RYR3: variants seen among roughly 807,000 people sequenced by gnomAD.
The protein encoded by RYR3 is ryanodine receptor 3.
A neutral mutation model predicts 584.3 loss-of-function variants in RYR3; 207 were observed. The observed-to-expected ratio is 0.35, with a 90% CI of 0.32 to 0.40. The LOEUF is 0.40. Among genes scored for constraint, RYR3 ranks in the 10% least tolerant of loss-of-function variants. The pLI is 1.00. For missense variants in RYR3, 5,616 were observed against 6,089.2 expected, an observed-to-expected ratio of 0.92 and a Z score of 2.59; for synonymous variants, 2,416 against 2,248.5, an observed-to-expected ratio of 1.07 and a Z score of -2.11.
chr15:33,612,626 C>T (rs1280345982), intron 18 of RYR3, among the ~76,000 whole-genome samples: 4 of 152,222 alleles, frequency 2.6e-5, no homozygotes, highest in Non-Finnish European at 1.5e-5. Flanking sequence ...TCCGGAAGTG[C>T]TGGGATTACA....
At chr15:33,638,386 A>G (rs1390918424) in intron 27 of RYR3, among the ~76,000 whole-genome samples, 1 of 152,220 alleles carries the variant, frequency 6.6e-6, no homozygotes, top group East Asian at 1.9e-4. Context: ...AAAGAAAGTC[A>G]TTCTCTGGGG....
chr15:33,535,988 A>G (rs1490264469), intron 5 of RYR3, among the ~76,000 whole-genome samples: 5 of 152,144 alleles, frequency 3.3e-5, no homozygotes, highest in South Asian at 4.1e-4. Context: ...ACCCAAACTC[A>G]TGTGATATTC....
intron 1 of RYR3, among the ~76,000 whole-genome samples, chr15:33,461,376 C>T (rs2142074424): frequency 6.6e-6 from 1 of 152,320 alleles, no homozygotes; most frequent in South Asian, 2.1e-4. Flanking sequence ...TACTTTGTCT[C>T]TTCACGAGGC....
In RYR3 at chr15:33,563,746, A is replaced by T. The variant is rs561534478; in HGVS notation, c.1146+736A>T. Among the ~76,000 whole-genome samples, 50 of 152,336 alleles carry T rather than the reference A, an allele frequency of 3.3e-4. No individual in the cohort carries two copies. In the South Asian group the frequency reaches 0.01, roughly 32 times the overall value. ...GGTATAGCAGCCTAAGGTAGTCATG[A>T]TGAACAGTTTTCCAGAATGCAGGTT... On this transcript the variant is annotated intron_variant, in intron 11 of 103. Transcript: ENST00000634891.
intron 67 of RYR3, among the ~76,000 whole-genome samples, chr15:33,795,263 T>G (rs2152924401): frequency 6.6e-6 from 1 of 152,236 alleles, no homozygotes; most frequent in East Asian, 1.9e-4. Flanking sequence ...CAACCTGAAG[T>G]TGACCCAGAA....
At chr15:33,397,585 G>A (rs775887608) in intron 1 of RYR3, among the ~76,000 whole-genome samples, 1 of 152,176 alleles carries the variant, frequency 6.6e-6, no homozygotes, top group Non-Finnish European at 1.5e-5. Context: ...CAGGGGCATC[G>A]TCTGTGATTT....
chr15:33,487,946 A>G (rs1363246572), intron 2 of RYR3, among the ~76,000 whole-genome samples: 1 of 152,222 alleles, frequency 6.6e-6, no homozygotes, highest in Non-Finnish European at 1.5e-5. Flanking sequence ...CAAGGAATGG[A>G]GAAGGGAAAT....
At chr15:33,359,593 CTTA>C (rs1032702279) in intron 1 of RYR3, among the ~76,000 whole-genome samples, 1 of 144,824 alleles carries the variant, frequency 6.9e-6, no homozygotes, top group African/African-American at 2.6e-5. Flanking sequence ...TCCCTGACCC[CTTA>C]TTTATTTATT....
chr15:33,772,811 G>C (rs989320476), intron 63 of RYR3, among the ~76,000 whole-genome samples: 1 of 152,148 alleles, frequency 6.6e-6, no homozygotes, highest in African/African-American at 2.4e-5. Flanking sequence ...CTGTTGTGTG[G>C]GGGCTGGAAG....
At chr15:33,630,066 GT>G in intron 22 of RYR3, 23 bp downstream of exon 22, 1 of 1,345,274 alleles carries the variant, frequency 7.4e-7, no homozygotes, top group Non-Finnish European at 1.0e-6. Flanking sequence ...TTGAGCTGAA[GT>G]TTTACAAACA....
At chr15:33,699,906 A>T in intron 41 of RYR3, 73 bp downstream of exon 41, 1 of 1,504,570 alleles carries the variant, frequency 6.6e-7, no homozygotes, top group Non-Finnish European at 9.1e-7. Context: ...ACTTAGGAAA[A>T]TACAGGGAAA....
chr15:33,743,618 G>A (rs2070392558), intron 52 of RYR3, among the ~76,000 whole-genome samples: 1 of 152,180 alleles, frequency 6.6e-6, no homozygotes, highest in Non-Finnish European at 1.5e-5. Context: ...TTAGGGAGAA[G>A]AGTCACCTCC....
In RYR3 at chr15:33,830,759, A is replaced by G. The variant is rs2077628576; in HGVS notation, c.11335-204A>G. ...CCAGCTGAAGGCAGTCCTCACTCCT[A>G]TCTATTCTTTCCTCTGCAGGGATAT... is the stretch of plus-strand genomic sequence containing the variant. On this transcript the variant is annotated intron_variant, in intron 85 of 103. Coordinates refer to ENST00000634891, the MANE Select transcript of RYR3 (RefSeq NM_001036.6). The G allele has an allele frequency of 1.1e-5, 5 of 445,866 alleles. No individual in the cohort carries two copies. In the South Asian group the frequency reaches 1.9e-4, roughly 17 times the overall value. 27.6% of individuals were successfully genotyped at this position (445,866 alleles called of 1,614,324 possible).
At chr15:33,352,910 G>C (rs1267736862) in intron 1 of RYR3, among the ~76,000 whole-genome samples, 1 of 152,134 alleles carries the variant, frequency 6.6e-6, no homozygotes, top group African/African-American at 2.4e-5. Context: ...ATGGGGACCT[G>C]TTTGCTCTTC....
rs1254135263 is a variant in RYR3, at chr15:33,789,778, G to A, written c.9830+1320G>A. 5.8e-5 allele frequency among the ~76,000 whole-genome samples: 7 copies of A among 120,790 alleles called. No homozygotes were observed. The South Asian group carries it at 9.1e-4, about 16-fold the overall frequency. The allele number at this position is 120,790 out of a possible 152,430, so 79.2% of individuals were successfully genotyped here. On this transcript the variant is annotated intron_variant, in intron 67 of 103. Transcript: ENST00000634891. ...CAAGCTCCGCCTCCTGGGCTCATGC[G>A]ATTCTCCCACCTCAGCCTCGTGAGT... is the stretch of plus-strand genomic sequence containing the variant.
chr15:33,368,982 T>C (rs1005235333), intron 1 of RYR3, among the ~76,000 whole-genome samples: 7 of 152,204 alleles, frequency 4.6e-5, no homozygotes, highest in Non-Finnish European at 8.8e-5. Flanking sequence ...CTCAGGGAGC[T>C]CTTGCTGTGC....
At position 33,785,949 on chromosome 15, in the gene RYR3, A is replaced by G. The variant is rs760213148; in HGVS notation, c.9556A>G (p.Ile3186Val). ...GAAAATCATCAACAACAACCTGGGC[A>G]TCGATGAGGCCTCCTGGATGAAGCG... ...ILKIINNNLG[I>V]DEASWMKRIA... The change falls in exon 66 of 104, where the codon ATC becomes GTC. Residue 3186 changes from isoleucine to valine, a missense_variant. By Grantham distance (29) the Ile-to-Val change is conservative. Transcript: ENST00000634891. 1 of 1,603,336 alleles carries G rather than the reference A, an allele frequency of 6.2e-7. No homozygotes were observed. The highest frequency in any genetic ancestry group is 8.5e-7 in the Non-Finnish European group (1 of 1,173,496).
At chr15:33,669,890 T>TGTGG (rs1382445650) in intron 37 of RYR3, among the ~76,000 whole-genome samples, 3 of 132,632 alleles carry the variant, frequency 2.3e-5, no homozygotes, top group Non-Finnish European at 1.6e-5. Flanking sequence ...GGTGTGTGTG[T>TGTGG]GTGTGTGTGT....
chr15:33,550,436 C>T lies in RYR3; in HGVS notation c.972+120C>T, dbSNP rs2056595922. On this transcript the variant is annotated intron_variant, in intron 10 of 103. Transcript: ENST00000634891. ...AACAAAGTGAAATTGGAAATTTGCC[C>T]TAAGATAGATAAACACTTTCTTCTT... 4.3e-6 allele frequency: 4 copies of T among 932,072 alleles called. No homozygotes were observed. In the African/African-American group the frequency reaches 5.0e-5, roughly 12 times the overall value. 57.7% of individuals were successfully genotyped at this position (932,072 alleles called of 1,614,324 possible).
Sources: allele counts gnomAD v4.1 joint callset (sites outside exome capture counted in the v4.1 genomes callset), GRCh38; gene constraint gnomAD v4.1.1; transcripts MANE v1.5; gene names NCBI Gene and HGNC (gene_info 2026-07-23, HGNC 2026-07-21).